Variants in MYCT1 observed in about 807,000 individuals in gnomAD.
MYCT1 encodes MYC target 1.
A neutral mutation model predicts 15.0 loss-of-function variants in MYCT1; 12 were observed. That is an observed-to-expected ratio of 0.80 (90% CI 0.51 to 1.29). The LOEUF is 1.29. Among genes scored for constraint, MYCT1 ranks in the 50% most tolerant of loss-of-function variants. The pLI is 0.00. For missense variants in MYCT1, 287 were observed against 279.1 expected, an observed-to-expected ratio of 1.03 and a Z score of -0.20; for synonymous variants, 104 against 102.7, an observed-to-expected ratio of 1.01 and a Z score of -0.07.
chr6:152,728,836 G>T (rs947234697), downstream of MYCT1, among the ~76,000 whole-genome samples: 1 of 152,174 alleles, frequency 6.6e-6, no homozygotes, highest in Non-Finnish European at 1.5e-5. Context: ...AGCCCAGGGG[G>T]TTGAGGCTTC....
intron 1 of MYCT1, among the ~76,000 whole-genome samples, chr6:152,708,520 TC>T (rs759544131): frequency 8.1e-4 from 123 of 152,140 alleles, no homozygotes; most frequent in Middle Eastern, 3.4e-3. Context: ...CTCTAAAATC[TC>T]TTAAAAACTA....
chr6:152,722,580 C>A lies in MYCT1; in HGVS notation c.*327C>A. On this transcript the variant is annotated 3_prime_UTR_variant, in exon 2 of 2. Coordinates refer to ENST00000367245, the MANE Select transcript of MYCT1 (RefSeq NM_025107.3). ...TATATTTTAATTAAAATTAAAACTT[C>A]AGATATTTGTGGATTACAATCCTCA... 4.5e-6 allele frequency: 1 copy of A among 223,378 alleles called. No individual in the cohort carries two copies. The highest frequency in any genetic ancestry group is 9.0e-6 in the Non-Finnish European group (1 of 111,428). 13.8% of individuals were successfully genotyped at this position (223,378 alleles called of 1,614,324 possible). A position where few individuals can be genotyped will look rare whatever the true frequency, so the allele number is the denominator to read the frequency against.
Position 152,721,879 on chromosome 6 carries a change from T to C in MYCT1, c.334T>C (p.Ser112Pro). The C allele has an allele frequency of 6.2e-7, 1 of 1,613,982 alleles. No homozygotes were observed. The highest frequency in any genetic ancestry group is 8.5e-7 in the Non-Finnish European group (1 of 1,179,982). The change falls in exon 2 of 2, where the codon TCT (serine) becomes CCT (proline). Residue 112 changes from serine (S) to proline (P), a missense_variant. Coordinates refer to ENST00000367245, the MANE Select transcript of MYCT1 (RefSeq NM_025107.3). ...CTCACAGTGGAGTTCAAGCAGGAGATCTAGGTCTTCTTACACCCACGGCCT... is the reference window on the plus strand; with the variant it reads ...CTCACAGTGGAGTTCAAGCAGGAGACCTAGGTCTTCTTACACCCACGGCCT... ...PISQWSSSRR[S>P]RSSYTHGLNR...
chr6:152,704,058 G>A (rs908741564), intron 1 of MYCT1, among the ~76,000 whole-genome samples: 20 of 151,356 alleles, frequency 1.3e-4, no homozygotes, highest in African/African-American at 4.6e-4. Flanking sequence ...GTGCAGTGGT[G>A]CAATCACAGC....
downstream of MYCT1, among the ~76,000 whole-genome samples, chr6:152,728,233 G>A (rs1283969334): frequency 6.6e-6 from 1 of 151,946 alleles, no homozygotes; most frequent in African/African-American, 2.4e-5. Context: ...GAGAACAAGA[G>A]GGCTGAAACT....
intron 1 of MYCT1, among the ~76,000 whole-genome samples, chr6:152,706,372 T>C (rs2099722253): frequency 6.6e-6 from 1 of 152,194 alleles, no homozygotes; most frequent in Non-Finnish European, 1.5e-5. Flanking sequence ...GACATTTGTA[T>C]ATTCCTGATA....
chr6:152,741,351 G>C, the MYCT1 span, among the ~76,000 whole-genome samples: 5 of 152,184 alleles, frequency 3.3e-5, 1 homozygote, highest in South Asian at 1.0e-3. Context: ...GCAAAAAGGA[G>C]GAGATTCAAC....
At chr6:152,727,969 G>A (rs371695286), downstream of MYCT1, among the ~76,000 whole-genome samples, 6 of 152,006 alleles carry the variant, frequency 3.9e-5, no homozygotes, top group Admixed American at 6.5e-5. Context: ...TTCGAGACCC[G>A]CCTAGCCAAC....
chr6:152,745,507 T>C, the MYCT1 span, among the ~76,000 whole-genome samples: 1 of 152,156 alleles, frequency 6.6e-6, no homozygotes, highest in Non-Finnish European at 1.5e-5. Context: ...GTAAAGGCAA[T>C]ACTTTTCAGA....
chr6:152,732,960 C>T, the MYCT1 span, among the ~76,000 whole-genome samples: 1 of 152,200 alleles, frequency 6.6e-6, no homozygotes, highest in South Asian at 2.1e-4. Context: ...ACACATGGCC[C>T]TTCACATGTA....
chr6:152,744,947 C>T, the MYCT1 span, among the ~76,000 whole-genome samples: 6 of 152,068 alleles, frequency 3.9e-5, no homozygotes, highest in African/African-American at 9.7e-5. Context: ...ACAGGTTTAG[C>T]TTTAGGGCCA....
chr6:152,745,460 G>A, the MYCT1 span, among the ~76,000 whole-genome samples: 1 of 152,136 alleles, frequency 6.6e-6, no homozygotes, highest in East Asian at 1.9e-4. Context: ...CAGACTCCAA[G>A]TCTAGGGGAA....
intron 1 of MYCT1, among the ~76,000 whole-genome samples, chr6:152,717,777 T>G (rs1033726422): frequency 1.3e-5 from 2 of 152,168 alleles, no homozygotes; most frequent in Non-Finnish European, 2.9e-5. Context: ...GTGTGTATTT[T>G]ACTGACTTTA....
chr6:152,728,857 G>A (rs1260846144), downstream of MYCT1, among the ~76,000 whole-genome samples: 1 of 152,198 alleles, frequency 6.6e-6, no homozygotes, highest in Non-Finnish European at 1.5e-5. Context: ...AGTGAGCTGT[G>A]ATCGTGCCAC....
At chr6:152,734,319 C>T in the MYCT1 span, among the ~76,000 whole-genome samples, 2,363 of 152,224 alleles carry the variant, frequency 0.016, 34 homozygotes, top group Admixed American at 0.044. Flanking sequence ...AATAAATCTC[C>T]GACTTCATGA....
At chr6:152,708,519 C>A (rs2099722680) in intron 1 of MYCT1, among the ~76,000 whole-genome samples, 1 of 151,948 alleles carries the variant, frequency 6.6e-6, no homozygotes, top group Non-Finnish European at 1.5e-5. Flanking sequence ...TCTCTAAAAT[C>A]TCTTAAAAAC....
intron 1 of MYCT1, among the ~76,000 whole-genome samples, chr6:152,702,217 G>A (rs2129068148): frequency 6.6e-6 from 1 of 152,124 alleles, no homozygotes; most frequent in Admixed American, 6.5e-5. Context: ...TGACTCATAG[G>A]CCATGGTTTA....
chr6:152,743,450 A>G, the MYCT1 span, among the ~76,000 whole-genome samples: 2 of 152,190 alleles, frequency 1.3e-5, no homozygotes, highest in Non-Finnish European at 2.9e-5. Flanking sequence ...CCCCGTTAGG[A>G]TGCATCTCAA....
chr6:152,707,911 A>G (rs1015907787), intron 1 of MYCT1, among the ~76,000 whole-genome samples: 12 of 152,012 alleles, frequency 7.9e-5, no homozygotes, highest in African/African-American at 2.9e-4. Flanking sequence ...GCTTTGTAGT[A>G]TATTTTAAAA....
Sources: gnomAD v4.1 joint callset for allele counts (sites outside exome capture counted in the v4.1 genomes callset) on GRCh38, gnomAD v4.1.1 for gene constraint, MANE v1.5 for transcripts, NCBI Gene and HGNC (gene_info 2026-07-23, HGNC 2026-07-21) for gene names.